Variants in OR4K1 observed in about 807,000 individuals in gnomAD.
OR4K1 encodes the protein olfactory receptor 4K1.
Under a neutral mutation model 14.4 loss-of-function variants are expected in OR4K1, and 16 were observed. The observed-to-expected ratio is 1.11, with a 90% CI of 0.75 to 1.68. The LOEUF is 1.68. OR4K1 is among the 40% of genes most tolerant of loss of function. The pLI, the probability that OR4K1 is intolerant of heterozygous loss-of-function variation, is 0.00. For missense variants in OR4K1, 548 were observed against 376.9 expected (o/e 1.45, Z -3.76); for synonymous variants, 181 against 133.1 (o/e 1.36, Z -2.48).
At chr14:19,925,192 G>C in the OR4K1 span, among the ~76,000 whole-genome samples, 2 of 152,192 alleles carry the variant, frequency 1.3e-5, no homozygotes, top group Non-Finnish European at 2.9e-5. Flanking sequence ...AATAACTCTA[G>C]TCAATTGAAA....
At chr14:19,930,137 A>G (rs1431317848), upstream of OR4K1, among the ~76,000 whole-genome samples, 1 of 152,156 alleles carries the variant, frequency 6.6e-6, no homozygotes, top group African/African-American at 2.4e-5. Context: ...ATTTATATAT[A>G]TATATGTACT....
chr14:19,936,085 T>C lies in OR4K1; in HGVS notation c.419T>C (p.Leu140Pro), dbSNP rs1178311761. 1 of 1,614,248 alleles carries C rather than the reference T, an allele frequency of 6.2e-7. No homozygotes were observed. Among genetic ancestry groups the C allele is most frequent in the Non-Finnish European group, 8.5e-7 (1 of 1,180,040 alleles). The change falls in exon 2 of 2, where the codon CTC becomes CCC. Residue 140 changes from leucine to proline, a missense_variant. By Grantham distance (98) the Leu-to-Pro change is moderately conservative (BLOSUM62 -3). Coordinates refer to ENST00000641172, the MANE Select transcript of OR4K1 (RefSeq NM_001004063.3). The stretch of plus-strand genomic sequence containing the variant: ...TACAGTACAATTATGAACCGGAGGC[T>C]CTGTGTAATTTTTGTGTCTATTTCC... ...LHYSTIMNRR[L>P]CVIFVSISWA... is the part of the protein sequence containing the mutation.
chr14:19,936,622 T>C lies in OR4K1; in HGVS notation c.*20T>C. 6.4e-7 allele frequency: 1 copy of C among 1,562,976 alleles called. No homozygotes were observed. The highest frequency in any genetic ancestry group is 8.7e-7 in the Non-Finnish European group (1 of 1,154,768). ...AACTAGGGATCATTACGAAGGAGCA[T>C]AATCCTGAATTAGAATGAAGACCCT... On this transcript the variant is annotated 3_prime_UTR_variant, in exon 2 of 2. Transcript: ENST00000641172.
chr14:19,920,920 A>G, the OR4K1 span: 3 of 1,613,898 alleles, frequency 1.9e-6, no homozygotes, highest in South Asian at 3.3e-5. Flanking sequence ...TTCTTTATTC[A>G]CCTTTTTACT....
the OR4K1 span, among the ~76,000 whole-genome samples, chr14:19,925,665 A>T: frequency 5.1e-3 from 781 of 152,352 alleles, 4 homozygotes; most frequent in African/African-American, 0.018. Flanking sequence ...AGTCCTTCTG[A>T]CAAGGAACAG....
At chr14:19,922,900 T>A in the OR4K1 span, among the ~76,000 whole-genome samples, 2 of 152,356 alleles carry the variant, frequency 1.3e-5, no homozygotes, top group African/African-American at 4.8e-5. Context: ...TTGTAATAAT[T>A]TTTAGAAAAT....
At chr14:19,934,606 C>G (rs192009661) in intron 1 of OR4K1, among the ~76,000 whole-genome samples, 1 of 152,196 alleles carries the variant, frequency 6.6e-6, no homozygotes, top group African/African-American at 2.4e-5. Context: ...AGAGTGTAAC[C>G]ATTGGCTCTT....
At chr14:19,933,267 A>G (rs141672072) in intron 1 of OR4K1, among the ~76,000 whole-genome samples, 4 of 152,184 alleles carry the variant, frequency 2.6e-5, no homozygotes, top group African/African-American at 9.6e-5. Flanking sequence ...AAAATAAATA[A>G]TTTTTTATTC....
chr14:19,932,421 C>T (rs12879873), intron 1 of OR4K1, among the ~76,000 whole-genome samples: 34,548 of 148,700 alleles, frequency 0.23, 2,815 homozygotes, highest in Non-Finnish European at 0.31. Context: ...TCATCTCTTT[C>T]AATCTCCACT....
At chr14:19,923,714 T>C in the OR4K1 span, among the ~76,000 whole-genome samples, 5 of 152,214 alleles carry the variant, frequency 3.3e-5, no homozygotes, top group African/African-American at 1.2e-4. Context: ...AAGGTAGTAA[T>C]GAAGAGTGTA....
chr14:19,928,247 C>T (rs1354048111), upstream of OR4K1, among the ~76,000 whole-genome samples: 1 of 152,170 alleles, frequency 6.6e-6, no homozygotes, highest in Non-Finnish European at 1.5e-5. Flanking sequence ...TGGTTCCTGT[C>T]CCAACAATTC....
chr14:19,922,778 G>GTT, the OR4K1 span, among the ~76,000 whole-genome samples: 2 of 152,044 alleles, frequency 1.3e-5, no homozygotes, highest in Admixed American at 6.6e-5. Context: ...ACTTTCCTGT[G>GTT]CTGTCTCCCC....
the OR4K1 span, among the ~76,000 whole-genome samples, chr14:19,923,015 GA>G: frequency 1.3e-5 from 2 of 152,182 alleles, no homozygotes; most frequent in African/African-American, 2.4e-5. Flanking sequence ...ACATTATTTA[GA>G]TTTTCTTCTG....
At chr14:19,934,863 G>C (rs148809085) in intron 1 of OR4K1, among the ~76,000 whole-genome samples, 5 of 152,256 alleles carry the variant, frequency 3.3e-5, no homozygotes, top group Admixed American at 3.3e-4. Context: ...AGTAGAGACG[G>C]GGTTTCACCA....
At chr14:19,928,773 T>C (rs1882117691), upstream of OR4K1, among the ~76,000 whole-genome samples, 4 of 152,172 alleles carry the variant, frequency 2.6e-5, no homozygotes, top group Admixed American at 2.0e-4. Flanking sequence ...CTTATTATTG[T>C]CATAGAGTTG....
At chr14:19,928,228 T>C (rs149311232), upstream of OR4K1, among the ~76,000 whole-genome samples, 5 of 152,248 alleles carry the variant, frequency 3.3e-5, no homozygotes, top group South Asian at 2.1e-4. Flanking sequence ...GATCCACTTA[T>C]GGATTTTGTG....
At chr14:19,922,077 C>A in the OR4K1 span, among the ~76,000 whole-genome samples, 333 of 129,484 alleles carry the variant, frequency 2.6e-3, no homozygotes, top group Non-Finnish European at 4.0e-3. Flanking sequence ...ACTCCCCCCC[C>A]CAAAAATCAA....
Position 19,936,184 on chromosome 14 carries a change from A to C in OR4K1, c.518A>C (p.Glu173Ala). ...TVDLPFCGPN[E>A]VDSFFCDLPL... ...GACCTGCCATTCTGTGGTCCCAATG[A>C]GGTGGATAGCTTCTTTTGTGACCTT... The change falls in exon 2 of 2, where the codon GAG becomes GCG. Residue 173 changes from glutamate (E) to alanine (A), a missense_variant. Transcript: ENST00000641172. 1.2e-6 allele frequency: 2 copies of C among 1,614,246 alleles called. No individual in the cohort carries two copies. The highest frequency in any genetic ancestry group is 8.5e-7 in the Non-Finnish European group (1 of 1,180,048).
chr14:19,921,238 T>A, the OR4K1 span: 1 of 1,614,198 alleles, frequency 6.2e-7, no homozygotes. Context: ...CTAAGCACTT[T>A]CTCTCTCTTG....
Sources: gnomAD v4.1 joint callset for allele counts (sites outside exome capture counted in the v4.1 genomes callset) on GRCh38, gnomAD v4.1.1 for gene constraint, MANE v1.5 for transcripts, NCBI Gene and HGNC (gene_info 2026-07-23, HGNC 2026-07-21) for gene names.